The following RASGRP4 variants were observed in gnomAD, a reference collection of about 807,000 sequenced individuals.
RASGRP4 encodes RAS guanyl-releasing protein 4.
Under a neutral mutation model 84.4 loss-of-function variants are expected in RASGRP4, and 52 were observed. That is an observed-to-expected ratio of 0.62 (90% CI 0.49 to 0.78). The LOEUF is 0.78. RASGRP4 is among the 30% of genes least tolerant of loss of function. RASGRP4 has a pLI of 0.00. For missense variants in RASGRP4, 760 were observed against 886.9 expected (o/e 0.86, Z 1.82); for synonymous variants, 356 against 359.1 (o/e 0.99, Z 0.10).
chr19:38,418,295 A>G lies in RASGRP4; in HGVS notation c.837+96T>C. 7.7e-7 allele frequency: 1 copy of G among 1,300,332 alleles called. No homozygotes were observed. The highest frequency in any genetic ancestry group is 1.1e-6 in the Non-Finnish European group (1 of 934,996). 80.5% of individuals were successfully genotyped at this position (1,300,332 alleles called of 1,614,324 possible). On this transcript the variant is annotated intron_variant, in intron 7 of 16. Transcript: ENST00000615439. This position sits in a 1 kb window ranked among gnomAD's most constrained non-coding sequence, Gnocchi z 4.6. ...GCGGGGCCGGGAGATGCGTGACGTC[A>G]CCGCCGGGATGACCCTGTGGGGTCG...
Position 38,412,929 on chromosome 19 carries a change from AC to A in RASGRP4, c.1535+1del. On this transcript the variant is annotated splice_donor_variant, in intron 12 of 16. Transcript: ENST00000615439. LOFTEE classifies it high-confidence loss of function. The surrounding 1 kb of genome is among the most constrained non-coding windows in gnomAD (Gnocchi z 4.6). The stretch of plus-strand genomic sequence containing the variant: ...GAGGATCCAGGAGTCACAACCACTT[AC>A]CCCTGGCGTGGGGGTGGGTGAAGCC... 3.1e-6 allele frequency: 5 copies of A among 1,613,658 alleles called. No homozygotes were observed. Among genetic ancestry groups the A allele is most frequent in the Non-Finnish European group, 4.2e-6 (5 of 1,179,706 alleles).
At position 38,412,476 on chromosome 19, in the gene RASGRP4, A is replaced by C. The variant is rs1971303482; in HGVS notation, c.1680+196T>G. 2.0e-5 allele frequency: 12 copies of C among 606,588 alleles called. No homozygotes were observed. Among genetic ancestry groups the C allele is most frequent in the Non-Finnish European group, 3.1e-5 (11 of 349,492 alleles). 37.6% of individuals were successfully genotyped at this position (606,588 alleles called of 1,614,324 possible). ...GGTTCAGCAATTGTCTGGGGTGGAC[A>C]TTATCTGGGATTTTGGGATTATCTG... On this transcript the variant is annotated intron_variant, in intron 13 of 16. Transcript: ENST00000615439. The surrounding 1 kb of genome is among the most constrained non-coding windows in gnomAD (Gnocchi z 4.6).
In RASGRP4 at chr19:38,418,518, C is replaced by T. The variant is rs1971603439; in HGVS notation, c.710G>A (p.Cys237Tyr). 1 of 1,552,352 alleles carries T rather than the reference C, an allele frequency of 6.4e-7. No homozygotes were observed. Among genetic ancestry groups the T allele is most frequent in the African/African-American group, 1.4e-5 (1 of 73,354 alleles). ...ACCTACGGAGCCCTCCAGGGCCGGG[C>T]AGCCTCGTACTGAGCCCTGCAAAAC... ...SYVLQGSVRG[C>Y]PALEGSVGLS... The change falls in exon 7 of 17, where the codon TGC (cysteine) becomes TAC (tyrosine). Residue 237 changes from cysteine (C) to tyrosine (Y), a missense_variant. Physicochemically the swap from Cys to Tyr is radical, Grantham distance 194. Coordinates refer to ENST00000615439, the MANE Select transcript of RASGRP4 (RefSeq NM_170604.3). This position sits in a 1 kb window ranked among gnomAD's most constrained non-coding sequence, Gnocchi z 4.6.
rs1971170145 is a variant in RASGRP4 at position 38,410,207 on chromosome 19, G to A, written c.1966-111C>T. On this transcript the variant is annotated intron_variant, in intron 16 of 16. Transcript: ENST00000615439. ...TCCCTGCCCAGACTGGTAAGTGGATGAATGAACGTCCCCTGTGGAATCCTT... is the reference window on the plus strand; with the variant it reads ...TCCCTGCCCAGACTGGTAAGTGGATAAATGAACGTCCCCTGTGGAATCCTT... 5.3e-6 allele frequency: 4 copies of A among 753,812 alleles called. No homozygotes were observed. In the South Asian group the frequency reaches 5.5e-5, roughly 10 times the overall value. The allele number at this position is 753,812 out of a possible 1,614,324, so 46.7% of individuals were successfully genotyped here. A position where few individuals can be genotyped will look rare whatever the true frequency, so the allele number is the denominator to read the frequency against.
At chr19:38,426,000 C>T in intron 1 of RASGRP4, 69 bp downstream of exon 1, 2 of 1,273,802 alleles carry the variant, frequency 1.6e-6, no homozygotes, top group Non-Finnish European at 2.0e-6. Context: ...GGCGAGTGAT[C>T]TCCCCAGCCC....
rs1971150795 is a variant in RASGRP4, at chr19:38,409,924, G to A, written c.*116C>T. ...CGGACGTACCACTAAAGGCAGTGTG[G>A]ATGGGAAGGCGGATGCCTCTGGAGG... On this transcript the variant is annotated 3_prime_UTR_variant, in exon 17 of 17. Coordinates refer to ENST00000615439, the MANE Select transcript of RASGRP4 (RefSeq NM_170604.3). 1.4e-6 allele frequency: 1 copy of A among 705,602 alleles called. No individual in the cohort carries two copies. Among genetic ancestry groups the A allele is most frequent in the African/African-American group, 1.8e-5 (1 of 55,546 alleles). 43.7% of individuals were successfully genotyped at this position (705,602 alleles called of 1,614,324 possible).
chr19:38,413,049 A>G lies in RASGRP4; in HGVS notation c.1417T>C (p.Ser473Pro), dbSNP rs755898806. ...LGRHVEQLVESVFKNYDPEGR... is the reference protein window; with the variant it reads ...LGRHVEQLVEPVFKNYDPEGR... Reference sequence around the variant, plus strand: ...TCAGGGTCATAATTCTTGAACACAGACTTCAGAGGAGTGTGGGGAAGCAGA... The same window carrying G: ...TCAGGGTCATAATTCTTGAACACAGGCTTCAGAGGAGTGTGGGGAAGCAGA... Residue 473 changes from serine (S) to proline (P), a missense_variant and splice_region_variant, in exon 12 of 17, where the codon TCT becomes CCT. Ser to Pro is a moderately conservative substitution (Grantham distance 74). Coordinates refer to ENST00000615439, the MANE Select transcript of RASGRP4 (RefSeq NM_170604.3). This position sits in a 1 kb window ranked among gnomAD's most constrained non-coding sequence, Gnocchi z 4.7. The G allele has an allele frequency of 6.2e-6, 10 of 1,612,572 alleles. No individual in the cohort carries two copies. The highest frequency in any genetic ancestry group is 8.5e-6 in the Non-Finnish European group (10 of 1,178,606).
At position 38,411,114 on chromosome 19, in the gene RASGRP4, C is replaced by T; in HGVS notation, c.1852+1G>A. The T allele has an allele frequency of 6.2e-7, 1 of 1,613,328 alleles. No homozygotes were observed. The highest frequency in any genetic ancestry group is 8.5e-7 in the Non-Finnish European group (1 of 1,179,600). On this transcript the variant is annotated splice_donor_variant, in intron 15 of 16. Coordinates refer to ENST00000615439, the MANE Select transcript of RASGRP4 (RefSeq NM_170604.3). LOFTEE classifies it high-confidence loss of function. Reference sequence around the variant, plus strand: ...CAGCACCGGTGTGCTCTAGGTCTTACCACAGCTGGCATGGGGAGCTGGTGT... The same window carrying T: ...CAGCACCGGTGTGCTCTAGGTCTTATCACAGCTGGCATGGGGAGCTGGTGT...
chr19:38,415,995 G>T (rs866389024), intron 8 of RASGRP4, among the ~76,000 whole-genome samples: 2 of 151,418 alleles, frequency 1.3e-5, no homozygotes, highest in African/African-American at 2.4e-5. Flanking sequence ...GGAGGTGGAG[G>T]CTTCAGTGAG....
At position 38,417,193 on chromosome 19, in the gene RASGRP4, G is replaced by A. The variant is rs775701883; in HGVS notation, c.838-25C>T. The A allele has an allele frequency of 6.8e-7, 1 of 1,466,040 alleles. No individual in the cohort carries two copies. The highest frequency in any genetic ancestry group is 9.4e-7 in the Non-Finnish European group (1 of 1,068,874). The allele number at this position is 1,466,040 out of a possible 1,614,324, so 90.8% of individuals were successfully genotyped here. On this transcript the variant is annotated intron_variant, in intron 7 of 16. Transcript: ENST00000615439. This position sits in a 1 kb window ranked among gnomAD's most constrained non-coding sequence, Gnocchi z 5.1. The stretch of plus-strand genomic sequence containing the variant: ...TCTAGGAAGAGAAGCATGCACACAG[G>A]GCCGTCACGGGAGGGAGGGCAAGTC...
chr19:38,425,000 A>G (rs920464905), intron 1 of RASGRP4, among the ~76,000 whole-genome samples: 1 of 152,016 alleles, frequency 6.6e-6, no homozygotes, highest in Admixed American at 6.6e-5. Flanking sequence ...CCTGCCCAAC[A>G]TGGTGAAACC....
chr19:38,414,777 ACT>A, intron 9 of RASGRP4, 69 bp downstream of exon 9: 1 of 1,426,128 alleles, frequency 7.0e-7, no homozygotes, highest in South Asian at 1.4e-5. Flanking sequence ...TCCTGGAGAC[ACT>A]CACACACCCA....
At chr19:38,423,259 TCAC>T (rs1971836077) in intron 1 of RASGRP4, among the ~76,000 whole-genome samples, 2 of 152,198 alleles carry the variant, frequency 1.3e-5, no homozygotes, top group South Asian at 4.1e-4. Flanking sequence ...GTGTGATGGC[TCAC>T]GCCTGTAATC....
At chr19:38,415,402 T>C (rs577529909) in intron 8 of RASGRP4, among the ~76,000 whole-genome samples, 1 of 151,000 alleles carries the variant, frequency 6.6e-6, no homozygotes, top group Admixed American at 6.6e-5. Flanking sequence ...AGATGGAGTT[T>C]TGCTGTCTTG....
rs760229867 is a variant in RASGRP4, at chr19:38,418,366, C to T, written c.837+25G>A. ...CCAGGTGGCTGCGTGCAGTGGAGTT[C>T]GCAGCCCCAAGGGGCGGGCCTCACC... On this transcript the variant is annotated intron_variant, in intron 7 of 16. Coordinates refer to ENST00000615439, the MANE Select transcript of RASGRP4 (RefSeq NM_170604.3). The surrounding 1 kb of genome is among the most constrained non-coding windows in gnomAD (Gnocchi z 4.6). 9 of 1,592,444 alleles carry T rather than the reference C, an allele frequency of 5.7e-6. No individual in the cohort carries two copies. In the East Asian group the frequency reaches 2.1e-4, roughly 36 times the overall value.
intron 4 of RASGRP4, 29 bp from the exon 5 acceptor site, chr19:38,420,291 A>T (rs751807397): frequency 5.0e-6 from 8 of 1,608,146 alleles, no homozygotes; most frequent in Non-Finnish European, 6.8e-6. Flanking sequence ...TGGTGAGATG[A>T]GGCCGGGGGT....
rs1971585010 is a variant in RASGRP4, at chr19:38,418,230, T to TA, written c.837+160dup. ...GTGACATCAAGGCCAAAGAAGAAGTTACGGTCCTTGGTTGGAATGCCCAGG... is the reference window on the plus strand; with the variant it reads ...GTGACATCAAGGCCAAAGAAGAAGTTAACGGTCCTTGGTTGGAATGCCCAGG... On this transcript the variant is annotated intron_variant, in intron 7 of 16. Transcript: ENST00000615439. This position sits in a 1 kb window ranked among gnomAD's most constrained non-coding sequence, Gnocchi z 4.6. Among the ~76,000 whole-genome samples the TA allele has an allele frequency of 6.6e-6, 1 of 150,582 alleles. No individual in the cohort carries two copies. Among genetic ancestry groups the TA allele is most frequent in the Non-Finnish European group, 1.5e-5 (1 of 67,650 alleles).
Position 38,411,350 on chromosome 19 carries a change from C to A in RASGRP4, c.1712G>T (p.Cys571Phe). 6.3e-7 allele frequency: 1 copy of A among 1,599,208 alleles called. No individual in the cohort carries two copies. Among genetic ancestry groups the A allele is most frequent in the Non-Finnish European group, 8.5e-7 (1 of 1,172,514 alleles). ...CTCACTGACACCCCACTCACCCCGA[C>A]AGCGGTAGCCTTGCTTGGTGACACC... is the stretch of plus-strand genomic sequence containing the variant. Reference protein sequence around the residue: ...LWGVTKQGYRCRECGLCCHKH... With the variant: ...LWGVTKQGYRFRECGLCCHKH... The change falls in exon 14 of 17, where the codon TGT becomes TTT. Residue 571 changes from cysteine to phenylalanine, a missense_variant. Physicochemically the swap from Cys to Phe is radical, Grantham distance 205. Transcript: ENST00000615439.
Position 38,418,270 on chromosome 19 carries a change from G to C in RASGRP4, c.837+121C>G, listed in dbSNP as rs542549657. Reference sequence around the variant, plus strand: ...GAATGCCCAGGCTGTGGCCTCGGGGGCGGGGCCGGGAGATGCGTGACGTCA... The same window carrying C: ...GAATGCCCAGGCTGTGGCCTCGGGGCCGGGGCCGGGAGATGCGTGACGTCA... On this transcript the variant is annotated intron_variant, in intron 7 of 16. Transcript: ENST00000615439. The surrounding 1 kb of genome is among the most constrained non-coding windows in gnomAD (Gnocchi z 4.6). 30 of 1,021,878 alleles carry C rather than the reference G, an allele frequency of 2.9e-5. No individual in the cohort carries two copies. In the South Asian group the frequency reaches 4.6e-4, roughly 16 times the overall value. The allele number at this position is 1,021,878 out of a possible 1,614,324, so 63.3% of individuals were successfully genotyped here. A position where few individuals can be genotyped will look rare whatever the true frequency, so the allele number is the denominator to read the frequency against.
Sources: gnomAD v4.1 joint callset for allele counts (sites outside exome capture counted in the v4.1 genomes callset) on GRCh38, gnomAD v4.1.1 for gene constraint, Gnocchi (gnomAD v3.1) non-coding constraint, MANE v1.5 for transcripts, NCBI Gene and HGNC (gene_info 2026-07-23, HGNC 2026-07-21) for gene names.